Variants in STK33 observed in about 807,000 individuals in gnomAD.
STK33 encodes the protein serine/threonine-protein kinase 33.
A neutral mutation model predicts 58.0 loss-of-function variants in STK33; 52 were observed. That is an observed-to-expected ratio of 0.90 (90% CI 0.72 to 1.13). STK33 has a LOEUF of 1.13. Ranked by LOEUF, STK33 falls within the 50% of genes most tolerant of loss-of-function variation. The pLI is 0.00. For missense variants in STK33, 630 were observed against 604.2 expected (o/e 1.04, Z -0.45); for synonymous variants, 215 against 200.1 (o/e 1.07, Z -0.63).
intron 1 of STK33, among the ~76,000 whole-genome samples, chr11:8,523,761 C>T (rs957947986): frequency 4.6e-5 from 7 of 151,820 alleles, no homozygotes; most frequent in Non-Finnish European, 8.8e-5. Context: ...TCTGCCCGGC[C>T]GCCGCGTCTG....
chr11:8,450,222 A>C (rs1471617813), intron 11 of STK33, among the ~76,000 whole-genome samples: 2 of 152,218 alleles, frequency 1.3e-5, no homozygotes, highest in Admixed American at 1.3e-4. Flanking sequence ...AATACTATGC[A>C]GCCATAAAAA....
At chr11:8,426,538 T>C (rs971097302) in intron 14 of STK33, among the ~76,000 whole-genome samples, 1 of 152,206 alleles carries the variant, frequency 6.6e-6, no homozygotes, top group African/African-American at 2.4e-5. Flanking sequence ...TCTACCTACC[T>C]TGGCCTCCCA....
intron 1 of STK33, among the ~76,000 whole-genome samples, chr11:8,487,210 G>A (rs543560399): frequency 1.7e-3 from 262 of 152,052 alleles, no homozygotes; most frequent in Non-Finnish European, 2.9e-3. Context: ...GACTGCTTGC[G>A]CCCAAGAGTT....
chr11:8,428,856 T>C (rs1194401262), intron 14 of STK33, among the ~76,000 whole-genome samples: 1 of 152,178 alleles, frequency 6.6e-6, no homozygotes, highest in Non-Finnish European at 1.5e-5. Context: ...TCATGTTCTC[T>C]TGATCAATTA....
chr11:8,563,550 G>A (rs975974877), intron 1 of STK33, among the ~76,000 whole-genome samples: 3 of 152,128 alleles, frequency 2.0e-5, no homozygotes, highest in Admixed American at 6.5e-5. Flanking sequence ...GGGCTGTGCA[G>A]GACCATTCTT....
chr11:8,336,803 A>C, the STK33 span, among the ~76,000 whole-genome samples: 1 of 152,250 alleles, frequency 6.6e-6, no homozygotes, highest in African/African-American at 2.4e-5. Context: ...TCCTGGGCTA[A>C]GGCTGGGCGG....
chr11:8,421,003 G>C (rs1291597635), intron 14 of STK33, among the ~76,000 whole-genome samples: 3 of 151,398 alleles, frequency 2.0e-5, no homozygotes, highest in African/African-American at 4.9e-5. Context: ...AGGGGAGGGG[G>C]GGAATATTTT....
intron 11 of STK33, among the ~76,000 whole-genome samples, chr11:8,441,546 G>A (rs1018275397): frequency 6.6e-6 from 1 of 151,922 alleles, no homozygotes; most frequent in Non-Finnish European, 1.5e-5. Flanking sequence ...TTTTAGAGAT[G>A]GGGTCTTGCT....
At chr11:8,393,801 T>C (rs1482139864) in intron 15 of STK33, among the ~76,000 whole-genome samples, 3 of 152,222 alleles carry the variant, frequency 2.0e-5, no homozygotes, top group Admixed American at 6.5e-5. Context: ...TATTCAGTAG[T>C]AGCACTTAAT....
intron 1 of STK33, among the ~76,000 whole-genome samples, chr11:8,568,125 T>C (rs901538867): frequency 2.6e-5 from 4 of 152,104 alleles, no homozygotes; most frequent in African/African-American, 7.2e-5. Context: ...CAGAGAAAAA[T>C]AGCTTGTTTT....
intron 1 of STK33, among the ~76,000 whole-genome samples, chr11:8,585,657 C>T (rs978205490): frequency 5.9e-5 from 9 of 152,110 alleles, no homozygotes; most frequent in Non-Finnish European, 1.0e-4. Flanking sequence ...CGCCTGTATT[C>T]CAAGCACTTT....
chr11:8,420,749 C>A (rs972289630), intron 14 of STK33, among the ~76,000 whole-genome samples: 15 of 152,136 alleles, frequency 9.9e-5, no homozygotes, highest in African/African-American at 3.4e-4. Flanking sequence ...GTAATCCCAG[C>A]ACTTTGGGAG....
In STK33 at chr11:8,585,445, G is replaced by C. The variant is rs1225390487; in HGVS notation, c.-466+8638C>G. ...TCCCCATGTTGGCCAGGCTGGTCTC[G>C]AACTCCTGACTTCAGGTGATCCACC... On this transcript the variant is annotated intron_variant, in intron 1 of 15. Transcript: ENST00000687296. Among the ~76,000 whole-genome samples, 5 of 142,782 alleles carry C rather than the reference G, an allele frequency of 3.5e-5. No homozygotes were observed. In the South Asian group the frequency reaches 1.1e-3, roughly 32 times the overall value. The allele number at this position is 142,782 out of a possible 152,430, so 93.7% of individuals were successfully genotyped here. A position where few individuals can be genotyped will look rare whatever the true frequency, so the allele number is the denominator to read the frequency against.
intron 7 of STK33, among the ~76,000 whole-genome samples, chr11:8,462,405 A>T (rs1399458008): frequency 6.8e-6 from 1 of 146,662 alleles, no homozygotes; most frequent in Non-Finnish European, 1.5e-5. Flanking sequence ...ATATATACAT[A>T]TATATACACA....
chr11:8,496,640 T>C (rs1951078647), intron 1 of STK33, among the ~76,000 whole-genome samples: 1 of 151,880 alleles, frequency 6.6e-6, no homozygotes, highest in Non-Finnish European at 1.5e-5. Context: ...AGTGGCGTGA[T>C]CTCGGCTCAC....
chr11:8,373,025 C>G, the STK33 span, among the ~76,000 whole-genome samples: 1 of 152,272 alleles, frequency 6.6e-6, no homozygotes, highest in African/African-American at 2.4e-5. Flanking sequence ...TCCACTGTTC[C>G]CCTTAGGGCA....
chr11:8,446,398 T>TTAAC (rs1945470235), intron 11 of STK33, among the ~76,000 whole-genome samples: 2 of 152,294 alleles, frequency 1.3e-5, no homozygotes, highest in Admixed American at 1.3e-4. Context: ...CTGATCTTAG[T>TTAAC]TATTTCTTGT....
the STK33 span, among the ~76,000 whole-genome samples, chr11:8,369,604 G>A: frequency 7.8e-3 from 1,180 of 152,178 alleles, 9 homozygotes; most frequent in African/African-American, 0.02. Flanking sequence ...CTCCTCCTCC[G>A]CCTCTGCAGC....
At chr11:8,418,294 A>G (rs748270182) in intron 14 of STK33, among the ~76,000 whole-genome samples, 1 of 152,088 alleles carries the variant, frequency 6.6e-6, no homozygotes. Context: ...CTTTGTGTCC[A>G]TGAGTTTTCA....
Sources: allele counts gnomAD v4.1 joint callset (sites outside exome capture counted in the v4.1 genomes callset), GRCh38; gene constraint gnomAD v4.1.1; transcripts MANE v1.5; gene names NCBI Gene and HGNC (gene_info 2026-07-23, HGNC 2026-07-21).